The following CCND3 variants were observed in gnomAD, a reference collection of about 807,000 sequenced individuals.
CCND3 encodes the protein cyclin D3.
A neutral mutation model predicts 28.7 loss-of-function variants in CCND3; 9 were observed. The observed-to-expected ratio is 0.31, with a 90% CI of 0.19 to 0.55. The LOEUF (loss-of-function observed/expected upper bound fraction) is 0.55, where lower values mean the gene tolerates loss of function less well. Ranked by LOEUF, CCND3 falls within the 20% of genes least tolerant of loss-of-function variation. CCND3 has a pLI of 0.93. For synonymous variants in CCND3, 164 were observed against 163.9 expected (o/e 1.00, Z 0.00); for missense variants, 315 against 385.8 (o/e 0.82, Z 1.54).
At chr6:41,952,842 G>A (rs969647019) in intron 1 of CCND3, among the ~76,000 whole-genome samples, 7 of 148,418 alleles carry the variant, frequency 4.7e-5, no homozygotes, top group Non-Finnish European at 1.0e-4. Context: ...GACATGAAAC[G>A]TGGGATTTCA....
At chr6:41,983,309 T>C (rs1340363003) in intron 1 of CCND3, among the ~76,000 whole-genome samples, 1 of 147,892 alleles carries the variant, frequency 6.8e-6, no homozygotes, top group Non-Finnish European at 1.5e-5. Context: ...GCCCAGGAGG[T>C]TGCACTGAGT....
At chr6:42,014,672 C>T (rs1191265660) in intron 1 of CCND3, among the ~76,000 whole-genome samples, 4 of 152,078 alleles carry the variant, frequency 2.6e-5, no homozygotes, top group Non-Finnish European at 5.9e-5. Context: ...TGCCTGTAAT[C>T]CCAGCACTGG....
chr6:42,023,301 G>C (rs76010090), intron 1 of CCND3, among the ~76,000 whole-genome samples: 6 of 152,188 alleles, frequency 3.9e-5, no homozygotes, highest in Non-Finnish European at 8.8e-5. Context: ...ACGTGCTGGC[G>C]AATGTTTCTA....
Position 42,029,238 on chromosome 6 carries a change from G to A in CCND3, c.-46+19263C>T, listed in dbSNP as rs186705616. Among the ~76,000 whole-genome samples the A allele has an allele frequency of 1.2e-3, 183 of 151,572 alleles. 2 individuals are homozygous for A. Among genetic ancestry groups the A allele is most frequent in the African/African-American group, 4.2e-3 (174 of 41,300 alleles). On this transcript the variant is annotated intron_variant, in intron 1 of 4. Coordinates refer to the CCND3 transcript ENST00000372988. ...GTTCCTGGCCTGAAGAGATCCTCCC[G>A]CCTTTGCCTCCTAAAGTGTTGGGAT...
intron 1 of CCND3, among the ~76,000 whole-genome samples, chr6:41,949,306 AC>A (rs1776247465): frequency 6.6e-6 from 1 of 152,132 alleles, no homozygotes; most frequent in Admixed American, 6.6e-5. Flanking sequence ...GGCGTTCAAG[AC>A]CAGCCTGGCC....
intron 1 of CCND3, among the ~76,000 whole-genome samples, chr6:42,031,813 C>CTTT (rs35518846): frequency 9.3e-5 from 12 of 128,898 alleles, no homozygotes; most frequent in African/African-American, 1.8e-4. Flanking sequence ...GCAACTGACT[C>CTTT]TTTTTTTTTT....
At chr6:41,955,276 T>G (rs183891652) in intron 1 of CCND3, among the ~76,000 whole-genome samples, 5 of 152,268 alleles carry the variant, frequency 3.3e-5, no homozygotes, top group Admixed American at 1.3e-4. Context: ...ATTACACTTA[T>G]GAACATGGAT....
intron 1 of CCND3, among the ~76,000 whole-genome samples, chr6:41,951,231 G>A (rs892480111): frequency 1.3e-5 from 2 of 151,788 alleles, no homozygotes; most frequent in Admixed American, 6.6e-5. Context: ...CAGCCATGGT[G>A]AAAGAAATGG....
chr6:41,972,730 G>A (rs1229055250), intron 1 of CCND3, among the ~76,000 whole-genome samples: 2 of 151,974 alleles, frequency 1.3e-5, no homozygotes, highest in African/African-American at 4.8e-5. Flanking sequence ...TAACATCAAA[G>A]GGAGACTGAG....
chr6:41,936,807 T>C lies in CCND3; in HGVS notation c.575-112A>G. 8.6e-7 allele frequency: 1 copy of C among 1,161,852 alleles called. No homozygotes were observed. Among genetic ancestry groups the C allele is most frequent in the East Asian group, 2.5e-5 (1 of 40,706 alleles). 72.0% of individuals were successfully genotyped at this position (1,161,852 alleles called of 1,614,324 possible). A position where few individuals can be genotyped will look rare whatever the true frequency, so the allele number is the denominator to read the frequency against. ...GGCAGCATGAGTAGAGCAGAGGACA[T>C]GCTGGAAAACTCCAGCAGTGGGTGG... On this transcript the variant is annotated intron_variant, in intron 3 of 4. Coordinates refer to ENST00000372991, the MANE Select transcript of CCND3 (RefSeq NM_001760.5). This position sits in a 1 kb window ranked among gnomAD's most constrained non-coding sequence, Gnocchi z 4.4.
intron 1 of CCND3, among the ~76,000 whole-genome samples, chr6:41,964,112 A>C (rs1336288322): frequency 6.6e-6 from 1 of 152,214 alleles, no homozygotes; most frequent in Non-Finnish European, 1.5e-5. Context: ...AGCTTGACCC[A>C]CAGTAAAGCT....
chr6:41,987,185 C>T (rs1482322033), intron 1 of CCND3, among the ~76,000 whole-genome samples: 6 of 152,060 alleles, frequency 3.9e-5, no homozygotes, highest in East Asian at 1.9e-4. Flanking sequence ...AATTACATTT[C>T]GCACTCATTC....
At chr6:41,949,947 A>C (rs1776262822) in intron 1 of CCND3, among the ~76,000 whole-genome samples, 1 of 151,740 alleles carries the variant, frequency 6.6e-6, no homozygotes, top group South Asian at 2.1e-4. Flanking sequence ...ATCAAAAAAA[A>C]AAAAAAATAG....
chr6:42,032,679 C>A (rs1764077335), intron 1 of CCND3, among the ~76,000 whole-genome samples: 1 of 152,200 alleles, frequency 6.6e-6, no homozygotes, highest in Non-Finnish European at 1.5e-5. Flanking sequence ...TGTCCAGCCC[C>A]CTCCCTGACA....
intron 1 of CCND3, among the ~76,000 whole-genome samples, chr6:42,029,280 T>G (rs898761717): frequency 2.0e-5 from 3 of 151,884 alleles, no homozygotes; most frequent in Admixed American, 2.0e-4. Context: ...CATGAGCCAC[T>G]GCACGCAGCC....
At chr6:42,035,364 T>C (rs1764174169) in intron 1 of CCND3, among the ~76,000 whole-genome samples, 1 of 152,190 alleles carries the variant, frequency 6.6e-6, no homozygotes, top group South Asian at 2.1e-4. Flanking sequence ...TAGTTTCTTT[T>C]CTTTTTCTTT....
Position 42,048,723 on chromosome 6 carries a change from G to A in CCND3, c.-268C>T. On this transcript the variant is annotated 5_prime_UTR_variant, in exon 1 of 5. Coordinates refer to the CCND3 transcript ENST00000372988. This position sits in a 1 kb window ranked among gnomAD's most constrained non-coding sequence, Gnocchi z 4.7. ...GCGCCGCGCCGCCGATCCAGAGCTG[G>A]GCAGGAAGTGGGGAAGAGGGGGCGG... 3.9e-6 allele frequency: 2 copies of A among 508,552 alleles called. No homozygotes were observed. The highest frequency in any genetic ancestry group is 1.4e-5 in the South Asian group (1 of 69,936). The allele number at this position is 508,552 out of a possible 1,614,324, so 31.5% of individuals were successfully genotyped here. A position where few individuals can be genotyped will look rare whatever the true frequency, so the allele number is the denominator to read the frequency against.
chr6:41,954,375 C>A (rs1007558004), intron 1 of CCND3, among the ~76,000 whole-genome samples: 1 of 150,266 alleles, frequency 6.7e-6, no homozygotes, highest in African/African-American at 2.5e-5. Context: ...CATGGTGAAA[C>A]CCCATCTCTA....
chr6:41,956,603 A>G (rs867955867), intron 1 of CCND3, among the ~76,000 whole-genome samples: 1 of 152,224 alleles, frequency 6.6e-6, no homozygotes, highest in African/African-American at 2.4e-5. Flanking sequence ...TTCTCTGAGG[A>G]ATCTGATAGC....
Sources: allele counts gnomAD v4.1 joint callset (sites outside exome capture counted in the v4.1 genomes callset), GRCh38; gene constraint gnomAD v4.1.1; non-coding constraint Gnocchi (gnomAD v3.1); transcripts MANE v1.5; gene names NCBI Gene and HGNC (gene_info 2026-07-23, HGNC 2026-07-21).